CDCA7L: variants seen among roughly 807,000 people sequenced by gnomAD.
CDCA7L encodes cell division cycle associated 7 like, also known as cell division cycle-associated 7-like protein.
Under a neutral mutation model 57.4 loss-of-function variants are expected in CDCA7L, and 44 were observed. That is an observed-to-expected ratio of 0.77 (90% CI 0.60 to 0.98). CDCA7L has a LOEUF of 0.98. CDCA7L is among the 50% of genes least tolerant of loss of function. The pLI, the probability that CDCA7L is intolerant of heterozygous loss-of-function variation, is 0.00. For synonymous variants in CDCA7L, 236 were observed against 202.8 expected, an observed-to-expected ratio of 1.16 and a Z score of -1.39; for missense variants, 644 against 580.6, an observed-to-expected ratio of 1.11 and a Z score of -1.12.
At chr7:21,941,461 C>T (rs1007524246) in intron 1 of CDCA7L, among the ~76,000 whole-genome samples, 5 of 152,164 alleles carry the variant, frequency 3.3e-5, no homozygotes, top group African/African-American at 1.2e-4. Context: ...AGAAGTGGTT[C>T]AGTGCAGCTT....
In CDCA7L at chr7:21,906,227, G is replaced by C. The variant is rs372198777; in HGVS notation, c.921+62C>G. 8 of 1,488,214 alleles carry C rather than the reference G, an allele frequency of 5.4e-6. No homozygotes were observed. The East Asian group carries it at 1.8e-4, about 34-fold the overall frequency. 92.2% of individuals were successfully genotyped at this position (1,488,214 alleles called of 1,614,324 possible). On this transcript the variant is annotated intron_variant, in intron 6 of 9. Transcript: ENST00000406877. Reference sequence around the variant, plus strand: ...CAGCCCTGGGGTGACAGTGACGTGCGTTCACGTTTGGAGGGATGGTAGCTC... The same window carrying C: ...CAGCCCTGGGGTGACAGTGACGTGCCTTCACGTTTGGAGGGATGGTAGCTC...
chr7:21,901,492 C>A lies in CDCA7L; in HGVS notation c.*830G>T, dbSNP rs1784847257. ...CAGGAGGTAGGAGAATCACTTGAAC[C>A]TAGGAGGCAAAGGTTGCAGTGAGCC... On this transcript the variant is annotated 3_prime_UTR_variant, in exon 10 of 10. Coordinates refer to ENST00000406877, the MANE Select transcript of CDCA7L (RefSeq NM_018719.5). 17 of 406,968 alleles carry A rather than the reference C, an allele frequency of 4.2e-5. No individual in the cohort carries two copies. The highest frequency in any genetic ancestry group is 6.2e-5 in the Non-Finnish European group (16 of 257,750). 25.2% of individuals were successfully genotyped at this position (406,968 alleles called of 1,614,324 possible).
At chr7:21,926,097 AG>A (rs1187503356) in intron 1 of CDCA7L, among the ~76,000 whole-genome samples, 1 of 152,180 alleles carries the variant, frequency 6.6e-6, no homozygotes, top group Non-Finnish European at 1.5e-5. Flanking sequence ...AAGTAAAATT[AG>A]GGCAACCACA....
At chr7:21,913,114 G>A (rs748596553) in intron 2 of CDCA7L, among the ~76,000 whole-genome samples, 6 of 152,064 alleles carry the variant, frequency 3.9e-5, no homozygotes, top group East Asian at 1.9e-4. Flanking sequence ...GCGTTTCCCC[G>A]CCTTTAATTA....
intron 1 of CDCA7L, among the ~76,000 whole-genome samples, chr7:21,921,670 TACA>T (rs971911847): frequency 4.7e-5 from 7 of 149,766 alleles, no homozygotes; most frequent in East Asian, 3.9e-4. Context: ...AAAAGAAAAC[TACA>T]ACAAGTAACT....
In CDCA7L at chr7:21,921,608, T is replaced by TC. The variant is rs1191253124; in HGVS notation, c.25-4715dup. On this transcript the variant is annotated intron_variant, in intron 1 of 9. Coordinates refer to ENST00000406877, the MANE Select transcript of CDCA7L (RefSeq NM_018719.5). ...AATGCAAGACCTTTTTTTTTTTTTT[T>TC]CAAAGTTTGTGTTCCATTCTATTAC... Among the ~76,000 whole-genome samples, 3 of 151,496 alleles carry TC rather than the reference T, an allele frequency of 2.0e-5. No homozygotes were observed. The East Asian group carries it at 5.8e-4, about 29-fold the overall frequency.
chr7:21,900,908 A>ACCAGAATG lies in CDCA7L; in HGVS notation c.*1406_*1413dup. 6.8e-7 allele frequency: 1 copy of ACCAGAATG among 1,477,786 alleles called. No individual in the cohort carries two copies. The highest frequency in any genetic ancestry group is 9.0e-7 in the Non-Finnish European group (1 of 1,114,992). The allele number at this position is 1,477,786 out of a possible 1,614,324, so 91.5% of individuals were successfully genotyped here. ...CACTGACAAGCAAAAATATGACAAAACCAGAATGTTGAATGTTTATTGCAT... is the reference window on the plus strand; with the variant it reads ...CACTGACAAGCAAAAATATGACAAAACCAGAATGCCAGAATGTTGAATGTTTATTGCAT... On this transcript the variant is annotated 3_prime_UTR_variant, in exon 10 of 10. Transcript: ENST00000406877.
At chr7:21,904,782 G>A (rs576963013) in intron 7 of CDCA7L, among the ~76,000 whole-genome samples, 1 of 147,532 alleles carries the variant, frequency 6.8e-6, no homozygotes, top group African/African-American at 2.5e-5. Flanking sequence ...TCACAGGTCT[G>A]TGGCCAGAGA....
intron 1 of CDCA7L, among the ~76,000 whole-genome samples, chr7:21,933,273 C>A (rs961850352): frequency 1.3e-5 from 2 of 152,156 alleles, no homozygotes; most frequent in African/African-American, 2.4e-5. Context: ...ACCAGAAATA[C>A]CATTTGACCC....
intron 1 of CDCA7L, among the ~76,000 whole-genome samples, chr7:21,937,299 T>C (rs1467438346): frequency 1.3e-5 from 2 of 152,054 alleles, no homozygotes; most frequent in African/African-American, 4.8e-5. Flanking sequence ...CTAAAATTAA[T>C]GTGGAATCTC....
At chr7:21,921,384 T>G (rs1016007873) in intron 1 of CDCA7L, among the ~76,000 whole-genome samples, 16 of 144,106 alleles carry the variant, frequency 1.1e-4, no homozygotes, top group African/African-American at 4.1e-4. Context: ...GTGTCCTCAA[T>G]GCAACGAACT....
chr7:21,903,964 T>C, intron 8 of CDCA7L, 146 bp downstream of exon 8: 1 of 681,110 alleles, frequency 1.5e-6, no homozygotes, highest in African/African-American at 1.8e-5. Context: ...TATTTTTCAT[T>C]TTCCCTGGAG....
chr7:21,919,439 C>T (rs762494228), intron 1 of CDCA7L, among the ~76,000 whole-genome samples: 2 of 152,104 alleles, frequency 1.3e-5, no homozygotes, highest in Non-Finnish European at 2.9e-5. Flanking sequence ...TTTCCTGTCC[C>T]AGACCTCAAA....
At chr7:21,918,586 G>A (rs559924867) in intron 1 of CDCA7L, among the ~76,000 whole-genome samples, 33 of 152,290 alleles carry the variant, frequency 2.2e-4, no homozygotes, top group African/African-American at 7.7e-4. Flanking sequence ...GTCCAAGTCT[G>A]AAGTTTTATT....
chr7:21,902,058 G>A lies in CDCA7L; in HGVS notation c.*264C>T, dbSNP rs1784904560. On this transcript the variant is annotated 3_prime_UTR_variant, in exon 10 of 10. Transcript: ENST00000406877. Reference sequence around the variant, plus strand: ...TTTAACCCCACCCCATTTAAACTGTGCTTTTTAATAACTGGCAGATATTTT... The same window carrying A: ...TTTAACCCCACCCCATTTAAACTGTACTTTTTAATAACTGGCAGATATTTT... 2 of 483,658 alleles carry A rather than the reference G, an allele frequency of 4.1e-6. No homozygotes were observed. Among genetic ancestry groups the A allele is most frequent in the Non-Finnish European group, 7.5e-6 (2 of 268,440 alleles). 30.0% of individuals were successfully genotyped at this position (483,658 alleles called of 1,614,324 possible). A position where few individuals can be genotyped will look rare whatever the true frequency, so the allele number is the denominator to read the frequency against.
At chr7:21,943,985 G>C (rs1409500334) in intron 1 of CDCA7L, among the ~76,000 whole-genome samples, 1 of 152,160 alleles carries the variant, frequency 6.6e-6, no homozygotes, top group Non-Finnish European at 1.5e-5. Context: ...TTAACAACAG[G>C]AGTGACACAT....
chr7:21,923,926 T>C (rs367933631), intron 1 of CDCA7L, among the ~76,000 whole-genome samples: 4 of 152,374 alleles, frequency 2.6e-5, no homozygotes, highest in East Asian at 3.9e-4. Context: ...CTCCATACCA[T>C]TTTGACCTTT....
At chr7:21,913,419 C>T (rs1785392595) in intron 2 of CDCA7L, among the ~76,000 whole-genome samples, 1 of 152,024 alleles carries the variant, frequency 6.6e-6, no homozygotes, top group African/African-American at 2.4e-5. Flanking sequence ...TTAGCATACA[C>T]ATACTGTGTG....
chr7:21,915,658 A>AACACAC (rs55943408), intron 2 of CDCA7L, among the ~76,000 whole-genome samples: 29 of 73,502 alleles, frequency 3.9e-4, no homozygotes, highest in East Asian at 1.4e-3. Flanking sequence ...AAAAAAAAAA[A>AACACAC]ACACACACAC....
Sources: allele counts gnomAD v4.1 joint callset (sites outside exome capture counted in the v4.1 genomes callset), GRCh38; gene constraint gnomAD v4.1.1; transcripts MANE v1.5; gene names NCBI Gene and HGNC (gene_info 2026-07-23, HGNC 2026-07-21).